NTMT1: variants seen among roughly 807,000 people sequenced by gnomAD.
The protein encoded by NTMT1 is N-terminal Xaa-Pro-Lys N-methyltransferase 1.
NTMT1 carries 8 observed loss-of-function variants against 17.5 expected under a neutral mutation model. That is an observed-to-expected ratio of 0.46 (90% CI 0.27 to 0.82). NTMT1 has a LOEUF of 0.82. NTMT1 is among the 40% of genes least tolerant of loss of function. The pLI is 0.15. For missense variants in NTMT1, 221 were observed against 303.5 expected (o/e 0.73, Z 2.02); for synonymous variants, 128 against 126.8 (o/e 1.01, Z -0.06).
intron 3 of NTMT1, 121 bp from the exon 4 acceptor site, chr9:129,635,087 A>G (rs1588145833): frequency 8.6e-7 from 1 of 1,156,282 alleles, no homozygotes; most frequent in African/African-American, 1.5e-5. Context: ...CAATGAGGCC[A>G]TGTGTGCACA....
intron 1 of NTMT1, 118 bp downstream of exon 1, chr9:129,626,413 CG>C (rs1830898485): frequency 6.6e-6 from 1 of 152,280 alleles, no homozygotes; most frequent in African/African-American, 2.4e-5. Flanking sequence ...TGACCCGGCG[CG>C]TGCGCGCGGG....
At chr9:129,634,745 G>A in intron 3 of NTMT1, 1 of 218,828 alleles carries the variant, frequency 4.6e-6, no homozygotes, top group East Asian at 1.2e-4. Context: ...GCAGCAGTCG[G>A]CCACCTCCTG....
rs1831377844 is a variant in NTMT1, at chr9:129,634,296, G to A, written c.405G>A (p.Gln135=). The change falls in exon 3 of 4, where the codon CAG becomes CAA. Residue 135 remains glutamine, a synonymous_variant. Coordinates refer to ENST00000372483, the MANE Select transcript of NTMT1 (RefSeq NM_014064.4). Reference sequence around the variant, plus strand: ...ACTCTTACGACGTGATCTGGATCCAGTGGGTGATAGGTGAGGGTTCCACCG... The same window carrying A: ...ACTCTTACGACGTGATCTGGATCCAATGGGTGATAGGTGAGGGTTCCACCG... ...EPDSYDVIWI[Q]WVIGHLTDQH... 3.1e-6 allele frequency: 5 copies of A among 1,602,468 alleles called. No homozygotes were observed. In the South Asian group the frequency reaches 3.3e-5, roughly 11 times the overall value.
Position 129,635,483 on chromosome 9 carries a change from A to G in NTMT1, c.*19A>G, listed in dbSNP as rs755807015. The G allele has an allele frequency of 6.3e-7, 1 of 1,597,972 alleles. No homozygotes were observed. Among genetic ancestry groups the G allele is most frequent in the Non-Finnish European group, 8.6e-7 (1 of 1,169,524 alleles). ...GAGATGAGCCGGGGCTGGCAGGAGA[A>G]ACTGAGGAACCACAGTCCTGGTGGG... is the stretch of plus-strand genomic sequence containing the variant. On this transcript the variant is annotated 3_prime_UTR_variant, in exon 4 of 4. Coordinates refer to ENST00000372483, the MANE Select transcript of NTMT1 (RefSeq NM_014064.4).
At chr9:129,619,000 C>A (rs1830536178) in intron 1 of NTMT1, among the ~76,000 whole-genome samples, 1 of 151,546 alleles carries the variant, frequency 6.6e-6, no homozygotes, top group Non-Finnish European at 1.5e-5. Flanking sequence ...AGGTGTGAGC[C>A]ACCGTGCCCT....
In NTMT1 at chr9:129,620,191, C is replaced by T; in HGVS notation, c.-55+11013C>T. On this transcript the variant is annotated intron_variant, in intron 1 of 3. Coordinates refer to the NTMT1 transcript ENST00000372486. This position sits in a 1 kb window ranked among gnomAD's most constrained non-coding sequence, Gnocchi z 5.8. ...CGGGGTCCTCCCTGGCCACGCGCCT[C>T]CGGGGGCGCTCGCGCTCTCCAGGCC... 6.9e-7 allele frequency: 1 copy of T among 1,450,890 alleles called. No homozygotes were observed. The highest frequency in any genetic ancestry group is 9.1e-7 in the Non-Finnish European group (1 of 1,098,080). 89.9% of individuals were successfully genotyped at this position (1,450,890 alleles called of 1,614,324 possible).
chr9:129,612,481 C>A (rs1457840952), intron 1 of NTMT1: 1 of 1,590,064 alleles, frequency 6.3e-7, no homozygotes, highest in South Asian at 1.1e-5. Context: ...GACCAGCTGG[C>A]TGCTACCAGG....
At chr9:129,612,579 TGAG>T (rs1238344059) in intron 1 of NTMT1, 9 of 728,112 alleles carry the variant, frequency 1.2e-5, no homozygotes, top group Non-Finnish European at 1.9e-5. Flanking sequence ...TTTTAAAAGA[TGAG>T]GAAACAAATG....
At chr9:129,612,689 C>T (rs973758828) in intron 1 of NTMT1, among the ~76,000 whole-genome samples, 3 of 152,218 alleles carry the variant, frequency 2.0e-5, no homozygotes, top group Admixed American at 6.5e-5. Flanking sequence ...ACCAGCCTGG[C>T]CAGCATAGTG....
chr9:129,619,824 G>C (rs760490939), intron 1 of NTMT1: 10 of 1,613,974 alleles, frequency 6.2e-6, no homozygotes, highest in Non-Finnish European at 8.5e-6. Context: ...TTGCGGTGCT[G>C]GGGATGCTGG....
intron 1 of NTMT1, chr9:129,619,599 T>C (rs755475346): frequency 6.2e-7 from 1 of 1,613,902 alleles, no homozygotes; most frequent in Non-Finnish European, 8.5e-7. Context: ...TGGAGCGAAA[T>C]CTTCGTAAGA....
At chr9:129,610,106 C>G (rs1387297646) in intron 1 of NTMT1, among the ~76,000 whole-genome samples, 1 of 148,174 alleles carries the variant, frequency 6.7e-6, no homozygotes, top group African/African-American at 2.5e-5. Context: ...CATCTGTGGT[C>G]TGCGGGGAGG....
intron 1 of NTMT1, chr9:129,619,818 G>C (rs1388746183): frequency 7.4e-6 from 12 of 1,614,000 alleles, no homozygotes; most frequent in Non-Finnish European, 1.0e-5. Context: ...TTGATGTTGC[G>C]GTGCTGGGGA....
At position 129,635,426 on chromosome 9, in the gene NTMT1, G is replaced by C; in HGVS notation, c.634G>C (p.Asp212His). Reference protein sequence around the residue: ...LAEERQENLPDEIYHVYSFAL... With the variant: ...LAEERQENLPHEIYHVYSFAL... Reference sequence around the variant, plus strand: ...CGAGGAGAGGCAGGAGAACCTCCCCGATGAGATCTACCATGTCTATAGCTT... The same window carrying C: ...CGAGGAGAGGCAGGAGAACCTCCCCCATGAGATCTACCATGTCTATAGCTT... The change falls in exon 4 of 4, where the codon GAT (aspartate) becomes CAT (histidine). Residue 212 changes from aspartate (D) to histidine (H), a missense_variant. By Grantham distance (81) the Asp-to-His change is moderately conservative. Transcript: ENST00000372483. The C allele has an allele frequency of 1.2e-6, 2 of 1,612,614 alleles. No homozygotes were observed. Among genetic ancestry groups the C allele is most frequent in the Non-Finnish European group, 1.7e-6 (2 of 1,179,846 alleles).
rs760195667 is a variant in NTMT1, at chr9:129,615,659, G to A, written c.-55+6481G>A. 5.2e-6 allele frequency: 8 copies of A among 1,529,182 alleles called. No individual in the cohort carries two copies. In the Admixed American group the frequency reaches 1.4e-4, roughly 27 times the overall value. 94.7% of individuals were successfully genotyped at this position (1,529,182 alleles called of 1,614,324 possible). A position where few individuals can be genotyped will look rare whatever the true frequency, so the allele number is the denominator to read the frequency against. ...CACCGTGGGGCCTGCTGAGAGAGGGGAGAGGGGCCTGTGCTCGAAGCCCCC... is the reference window on the plus strand; with the variant it reads ...CACCGTGGGGCCTGCTGAGAGAGGGAAGAGGGGCCTGTGCTCGAAGCCCCC... On this transcript the variant is annotated intron_variant, in intron 1 of 3. Coordinates refer to the NTMT1 transcript ENST00000372486.
upstream of NTMT1, among the ~76,000 whole-genome samples, chr9:129,623,597 C>T (rs949229106): frequency 1.2e-4 from 19 of 152,056 alleles, no homozygotes; most frequent in African/African-American, 2.9e-4. Flanking sequence ...AATGAAGAAA[C>T]GACTTTGTAA....
chr9:129,613,182 TGAACAGAAGGGCAGGCTGCTGTTCATG>T lies in NTMT1; in HGVS notation c.-55+4007_-55+4033del. ...GCCTCTGAGCAGCGGCCTTCTTCCA[TGAACAGAAGGGCAGGCTGCTGTTCATG>T]GAGGTGTCCTCAGAAAGGTAGCCCT... On this transcript the variant is annotated intron_variant, in intron 1 of 3. Coordinates refer to the NTMT1 transcript ENST00000372486. This position sits in a 1 kb window ranked among gnomAD's most constrained non-coding sequence, Gnocchi z 6.2. 6.2e-7 allele frequency: 1 copy of T among 1,613,686 alleles called. No homozygotes were observed. Among genetic ancestry groups the T allele is most frequent in the Non-Finnish European group, 8.5e-7 (1 of 1,180,008 alleles).
At chr9:129,619,577 A>G (rs1830567687) in intron 1 of NTMT1, 1 of 1,614,014 alleles carries the variant, frequency 6.2e-7, no homozygotes, top group Admixed American at 1.7e-5. Context: ...GGGCCCCAGA[A>G]TAGGTGTCTG....
At position 129,620,653 on chromosome 9, in the gene NTMT1, C is replaced by T. The variant is rs978541254; in HGVS notation, c.-55+11475C>T. On this transcript the variant is annotated intron_variant, in intron 1 of 3. Coordinates refer to the NTMT1 transcript ENST00000372486. The surrounding 1 kb of genome is among the most constrained non-coding windows in gnomAD (Gnocchi z 5.8). ...CCGGCTGAGGTGGGGAGGGCATAGT[C>T]CAGCCCCAGGCCATAGTGCCCCGGG... 5 of 1,224,964 alleles carry T rather than the reference C, an allele frequency of 4.1e-6. No individual in the cohort carries two copies. The highest frequency in any genetic ancestry group is 5.1e-6 in the Non-Finnish European group (5 of 974,648). 75.9% of individuals were successfully genotyped at this position (1,224,964 alleles called of 1,614,324 possible).
Sources: gnomAD v4.1 joint callset for allele counts (sites outside exome capture counted in the v4.1 genomes callset) on GRCh38, gnomAD v4.1.1 for gene constraint, Gnocchi (gnomAD v3.1) non-coding constraint, MANE v1.5 for transcripts, NCBI Gene and HGNC (gene_info 2026-07-23, HGNC 2026-07-21) for gene names.